The following DSCAM variants were observed in gnomAD, a reference collection of about 807,000 sequenced individuals.
DSCAM encodes cell adhesion molecule DSCAM.
DSCAM carries 47 observed loss-of-function variants against 217.7 expected under a neutral mutation model. That is an observed-to-expected ratio of 0.22 (90% CI 0.17 to 0.28). DSCAM has a LOEUF of 0.28. Ranked by LOEUF, DSCAM falls within the 10% of genes least tolerant of loss-of-function variation. The pLI, the probability that DSCAM is intolerant of heterozygous loss-of-function variation, is 1.00. For synonymous variants in DSCAM, 1,056 were observed against 1,015.3 expected (o/e 1.04, Z -0.76); for missense variants, 2,080 against 2,618.3 (o/e 0.79, Z 4.49).
intron 16 of DSCAM, among the ~76,000 whole-genome samples, chr21:40,157,465 G>T (rs370943633): frequency 2.5e-4 from 38 of 152,326 alleles, no homozygotes; most frequent in African/African-American, 6.0e-4. Flanking sequence ...TTGGAGAAAG[G>T]CCTGGGCTCT....
intron 1 of DSCAM, among the ~76,000 whole-genome samples, chr21:40,834,488 T>G (rs1341381140): frequency 1.3e-5 from 2 of 150,452 alleles, no homozygotes; most frequent in Non-Finnish European, 3.0e-5. Flanking sequence ...GTTCCATGGA[T>G]TTACCTTATT....
chr21:40,693,889 C>G (rs939584284), intron 2 of DSCAM, among the ~76,000 whole-genome samples: 1 of 152,092 alleles, frequency 6.6e-6, no homozygotes. Context: ...ACCTACCTAG[C>G]AGGCCCAACT....
chr21:40,784,227 T>C (rs1447095556), intron 1 of DSCAM, among the ~76,000 whole-genome samples: 1 of 152,078 alleles, frequency 6.6e-6, no homozygotes, highest in East Asian at 1.9e-4. Flanking sequence ...TGGGAGGTAA[T>C]TGAATCATGG....
At chr21:40,590,352 T>C (rs771552116) in intron 3 of DSCAM, among the ~76,000 whole-genome samples, 3 of 152,226 alleles carry the variant, frequency 2.0e-5, no homozygotes, top group Non-Finnish European at 4.4e-5. Context: ...GAGGGGCACA[T>C]TAATGAGCCA....
intron 3 of DSCAM, among the ~76,000 whole-genome samples, chr21:40,521,745 A>G (rs1380329617): frequency 1.3e-5 from 2 of 152,158 alleles, no homozygotes; most frequent in Non-Finnish European, 2.9e-5. Context: ...GTCAATGGGT[A>G]CAAAGTTAAC....
intron 1 of DSCAM, among the ~76,000 whole-genome samples, chr21:40,710,801 CA>C (rs1386084038): frequency 2.0e-5 from 3 of 152,218 alleles, no homozygotes; most frequent in Non-Finnish European, 2.9e-5. Context: ...CTTTCTAAAG[CA>C]GGTGCATACC....
chr21:40,570,935 C>A (rs922288287), intron 3 of DSCAM, among the ~76,000 whole-genome samples: 4 of 151,724 alleles, frequency 2.6e-5, no homozygotes, highest in African/African-American at 9.7e-5. Context: ...AAGAGAGATA[C>A]AGGAGAAAAA....
chr21:40,616,867 A>G (rs2089401945), intron 3 of DSCAM, among the ~76,000 whole-genome samples: 1 of 151,616 alleles, frequency 6.6e-6, no homozygotes, highest in Non-Finnish European at 1.5e-5. Flanking sequence ...AATACAAAAA[A>G]TTAGCCGGGC....
At chr21:40,138,298 TGC>T (rs1568961017) in intron 18 of DSCAM, among the ~76,000 whole-genome samples, 12 of 146,746 alleles carry the variant, frequency 8.2e-5, no homozygotes, top group Admixed American at 1.4e-4. Context: ...TGTACCTGTG[TGC>T]GTGGTGTGTG....
At chr21:40,169,519 G>A (rs557828336) in intron 15 of DSCAM, among the ~76,000 whole-genome samples, 5 of 152,232 alleles carry the variant, frequency 3.3e-5, no homozygotes, top group Admixed American at 1.3e-4. Context: ...CCACAGCTCC[G>A]TCCTCGCACT....
chr21:40,062,476 T>C (rs2089137963), intron 28 of DSCAM, among the ~76,000 whole-genome samples: 2 of 152,224 alleles, frequency 1.3e-5, no homozygotes, highest in South Asian at 2.1e-4. Context: ...GCATGGGGCA[T>C]AGCACATTCC....
At chr21:40,637,874 G>A (rs1157124572) in intron 3 of DSCAM, among the ~76,000 whole-genome samples, 1 of 151,072 alleles carries the variant, frequency 6.6e-6, no homozygotes, top group Non-Finnish European at 1.5e-5. Flanking sequence ...CGTAGAGATG[G>A]GGTTTCACCA....
intron 20 of DSCAM, among the ~76,000 whole-genome samples, chr21:40,095,411 T>C (rs978625031): frequency 2.6e-5 from 4 of 152,208 alleles, no homozygotes; most frequent in African/African-American, 9.6e-5. Flanking sequence ...TGGATAAATC[T>C]TGAAAACATT....
intron 3 of DSCAM, among the ~76,000 whole-genome samples, chr21:40,489,774 C>CAAAAAAAAAAAAA (rs35247505): frequency 2.1e-5 from 1 of 47,186 alleles, no homozygotes; most frequent in African/African-American, 7.8e-5. Flanking sequence ...GACTCCGTCT[C>CAAAAAAAAAAAAA]AAAAAAAAAA....
At chr21:40,118,233 G>A (rs1205974364) in intron 20 of DSCAM, among the ~76,000 whole-genome samples, 1 of 152,222 alleles carries the variant, frequency 6.6e-6, no homozygotes, top group Non-Finnish European at 1.5e-5. Flanking sequence ...ACTGGGAGTT[G>A]AGCCTGGCAG....
intron 32 of DSCAM, among the ~76,000 whole-genome samples, chr21:40,018,550 T>C (rs919171001): frequency 6.6e-6 from 1 of 152,186 alleles, no homozygotes; most frequent in African/African-American, 2.4e-5. Context: ...ATCTCTATTT[T>C]AGTGACTCCC....
At chr21:40,556,813 C>G (rs1250212754) in intron 3 of DSCAM, among the ~76,000 whole-genome samples, 2 of 152,184 alleles carry the variant, frequency 1.3e-5, no homozygotes, top group African/African-American at 4.8e-5. Flanking sequence ...CCTCCAACAT[C>G]AGGGGTCAAA....
At chr21:40,178,201 G>A (rs1034992443) in intron 15 of DSCAM, among the ~76,000 whole-genome samples, 13 of 151,860 alleles carry the variant, frequency 8.6e-5, no homozygotes, top group African/African-American at 1.2e-4. Flanking sequence ...TCACCCCCCC[G>A]GAAACATGAG....
intron 11 of DSCAM, among the ~76,000 whole-genome samples, chr21:40,230,756 A>G (rs1211297566): frequency 6.6e-6 from 1 of 152,124 alleles, no homozygotes; most frequent in Non-Finnish European, 1.5e-5. Context: ...AGAGGATTTT[A>G]CAGCTATCTT....
Sources: allele counts gnomAD v4.1 joint callset (sites outside exome capture counted in the v4.1 genomes callset), GRCh38; gene constraint gnomAD v4.1.1; transcripts MANE v1.5; gene names NCBI Gene and HGNC (gene_info 2026-07-23, HGNC 2026-07-21).